The following HPSE2 variants were observed in gnomAD, a reference collection of about 807,000 sequenced individuals.
HPSE2 encodes the protein heparanase 2 (inactive), also known as inactive heparanase-2.
In HPSE2, 38 loss-of-function variants were observed where a neutral mutation model predicts 60.5. The ratio of observed to expected loss-of-function variants is 0.63; its 90% CI spans 0.48 to 0.82. HPSE2 has a LOEUF of 0.82. HPSE2 is among the 40% of genes least tolerant of loss of function. The probability of loss-of-function intolerance (pLI) is 0.00; values close to 1 mark genes in which losing one functional copy is unlikely to be tolerated. For missense variants in HPSE2, 713 were observed against 740.4 expected, an observed-to-expected ratio of 0.96 and a Z score of 0.43; for synonymous variants, 295 against 293.2, an observed-to-expected ratio of 1.01 and a Z score of -0.06.
the HPSE2 span, among the ~76,000 whole-genome samples, chr10:99,267,502 T>A: frequency 6.6e-6 from 1 of 152,054 alleles, no homozygotes; most frequent in Non-Finnish European, 1.5e-5. Context: ...CGACCAAACC[T>A]GCCGGGCATG....
intron 9 of HPSE2, among the ~76,000 whole-genome samples, chr10:98,517,986 T>G (rs535789108): frequency 2.0e-4 from 30 of 152,256 alleles, no homozygotes; most frequent in Non-Finnish European, 3.7e-4. Flanking sequence ...GAAGTAACAG[T>G]AAGGGAAAGC....
At chr10:98,500,850 A>C (rs1942006776) in intron 9 of HPSE2, among the ~76,000 whole-genome samples, 1 of 152,206 alleles carries the variant, frequency 6.6e-6, no homozygotes, top group South Asian at 2.1e-4. Context: ...CTCATTAAGA[A>C]ATGAAACAGG....
chr10:98,719,516 T>A (rs1948868876), intron 5 of HPSE2, among the ~76,000 whole-genome samples: 2 of 150,118 alleles, frequency 1.3e-5, no homozygotes, highest in African/African-American at 2.4e-5. Flanking sequence ...TATAAAAGAG[T>A]AGGGTATCTT....
At chr10:98,946,188 G>A (rs1047196160) in intron 3 of HPSE2, among the ~76,000 whole-genome samples, 8 of 152,014 alleles carry the variant, frequency 5.3e-5, no homozygotes, top group Admixed American at 4.6e-4. Context: ...TTACGTGCAT[G>A]GCCAGACATA....
chr10:99,224,870 T>A (rs372304911), intron 2 of HPSE2, among the ~76,000 whole-genome samples: 1 of 152,112 alleles, frequency 6.6e-6, no homozygotes, highest in African/African-American at 2.4e-5. Flanking sequence ...CTTTTCTGAT[T>A]CGCTGAAATT....
intron 3 of HPSE2, among the ~76,000 whole-genome samples, chr10:98,965,932 C>A (rs1955803447): frequency 6.6e-6 from 1 of 151,984 alleles, no homozygotes; most frequent in Non-Finnish European, 1.5e-5. Context: ...CTCTATCACC[C>A]AGGCTGGAGT....
At chr10:98,834,640 G>A (rs950435936) in intron 3 of HPSE2, among the ~76,000 whole-genome samples, 1 of 152,084 alleles carries the variant, frequency 6.6e-6, no homozygotes. Context: ...GTTACCCAGA[G>A]GTTCTCAAAG....
At chr10:98,576,877 C>T (rs1393574964) in intron 9 of HPSE2, among the ~76,000 whole-genome samples, 3 of 151,932 alleles carry the variant, frequency 2.0e-5, no homozygotes, top group Non-Finnish European at 4.4e-5. Context: ...TAAATTACCA[C>T]AGTAATATAT....
intron 2 of HPSE2, among the ~76,000 whole-genome samples, chr10:99,214,350 C>G (rs974152093): frequency 2.6e-5 from 4 of 152,138 alleles, no homozygotes; most frequent in African/African-American, 9.7e-5. Context: ...ATTCCTACTC[C>G]TTGGTATATA....
At chr10:98,539,691 G>A (rs1220903488) in intron 9 of HPSE2, among the ~76,000 whole-genome samples, 2 of 151,620 alleles carry the variant, frequency 1.3e-5, no homozygotes, top group Non-Finnish European at 2.9e-5. Flanking sequence ...TTTTGTTCCT[G>A]GTTGTCTCTG....
chr10:99,150,780 G>C (rs1262149281), intron 2 of HPSE2, among the ~76,000 whole-genome samples: 2 of 152,110 alleles, frequency 1.3e-5, no homozygotes, highest in Admixed American at 1.3e-4. Flanking sequence ...TAATGGGGAG[G>C]CTACGCACAA....
chr10:98,571,977 T>C lies in HPSE2; in HGVS notation c.1320+42927A>G, dbSNP rs1432579330. Among the ~76,000 whole-genome samples, 4 of 150,764 alleles carry C rather than the reference T, an allele frequency of 2.7e-5. No individual in the cohort carries two copies. In the East Asian group the frequency reaches 7.8e-4, roughly 29 times the overall value. On this transcript the variant is annotated intron_variant, in intron 9 of 11. Transcript: ENST00000370552. Reference sequence around the variant, plus strand: ...TTTTTGAGACGGAGTCTCGTTCTGTTGCCCAGGCGGGAGTGCAGTGGCGTG... The same window carrying C: ...TTTTTGAGACGGAGTCTCGTTCTGTCGCCCAGGCGGGAGTGCAGTGGCGTG...
In HPSE2 at chr10:98,628,239, G is replaced by A. The variant is rs540039758; in HGVS notation, c.1099-7531C>T. On this transcript the variant is annotated intron_variant, in intron 7 of 11. Coordinates refer to ENST00000370552, the MANE Select transcript of HPSE2 (RefSeq NM_021828.5). The stretch of plus-strand genomic sequence containing the variant: ...GAGCATGATGGTGACATGTAGTGGA[G>A]GTACAGACACTGAAGCTGGGTGCTG... 4.0e-3 allele frequency among the ~76,000 whole-genome samples: 607 copies of A among 152,246 alleles called. 5 individuals carry two copies. Among genetic ancestry groups the A allele is most frequent in the Non-Finnish European group, 7.2e-3 (492 of 68,018 alleles).
chr10:98,705,185 CAAAT>C (rs1948513905), intron 5 of HPSE2, among the ~76,000 whole-genome samples: 1 of 152,092 alleles, frequency 6.6e-6, no homozygotes. Flanking sequence ...TAGAGAAATG[CAAAT>C]CAAAACCACA....
chr10:99,148,342 G>C (rs530726544), intron 2 of HPSE2, among the ~76,000 whole-genome samples: 1 of 152,236 alleles, frequency 6.6e-6, no homozygotes, highest in South Asian at 2.1e-4. Flanking sequence ...CATACAATAA[G>C]AGCACAATAA....
intron 3 of HPSE2, among the ~76,000 whole-genome samples, chr10:99,116,538 G>A (rs10786507): frequency 0.51 from 77,127 of 151,900 alleles, 21,350 homozygotes; most frequent in East Asian, 0.65. Flanking sequence ...TTCTAACACT[G>A]ACAATTATAC....
At chr10:98,911,019 G>A (rs1242825068) in intron 3 of HPSE2, among the ~76,000 whole-genome samples, 1 of 152,124 alleles carries the variant, frequency 6.6e-6, no homozygotes, top group African/African-American at 2.4e-5. Context: ...AAACAGAATT[G>A]AGCCAGAAGA....
intron 11 of HPSE2, among the ~76,000 whole-genome samples, chr10:98,478,065 A>G (rs1477576259): frequency 1.3e-5 from 2 of 152,212 alleles, no homozygotes; most frequent in Non-Finnish European, 2.9e-5. Context: ...ACAGTTGGGG[A>G]CCACTGCCCT....
intron 2 of HPSE2, among the ~76,000 whole-genome samples, chr10:99,176,584 A>C (rs2133817072): frequency 6.6e-6 from 1 of 152,258 alleles, no homozygotes; most frequent in South Asian, 2.1e-4. Flanking sequence ...AAAATAATGA[A>C]AAGAAAAAAA....
Sources: gnomAD v4.1 joint callset for allele counts (sites outside exome capture counted in the v4.1 genomes callset) on GRCh38, gnomAD v4.1.1 for gene constraint, MANE v1.5 for transcripts, NCBI Gene and HGNC (gene_info 2026-07-23, HGNC 2026-07-21) for gene names.